Variants in PTGFRN observed in about 807,000 individuals in gnomAD.
The protein encoded by PTGFRN is prostaglandin F2 receptor inhibitor, also known as prostaglandin F2 receptor negative regulator.
PTGFRN carries 35 observed loss-of-function variants against 83.2 expected under a neutral mutation model. That is an observed-to-expected ratio of 0.42 (90% CI 0.32 to 0.56). The LOEUF (loss-of-function observed/expected upper bound fraction) is 0.56, where lower values mean the gene tolerates loss of function less well. Ranked by LOEUF, PTGFRN falls within the 20% of genes least tolerant of loss-of-function variation. The pLI is 0.11. For missense variants in PTGFRN, 1,051 were observed against 1,179.5 expected (o/e 0.89, Z 1.60); for synonymous variants, 519 against 498.6 (o/e 1.04, Z -0.55).
chr1:116,965,654 A>G (rs564822288), intron 5 of PTGFRN, among the ~76,000 whole-genome samples: 1 of 152,290 alleles, frequency 6.6e-6, no homozygotes, highest in African/African-American at 2.4e-5. Flanking sequence ...GTTGTGGCAC[A>G]CACACCTTCC....
At chr1:116,933,548 T>C (rs188329517) in intron 1 of PTGFRN, among the ~76,000 whole-genome samples, 4 of 152,354 alleles carry the variant, frequency 2.6e-5, no homozygotes, top group Admixed American at 2.6e-4. Flanking sequence ...CTTTGCCTTC[T>C]CACATTTCCA....
At chr1:116,964,514 TTGGACA>T (rs1433576247) in intron 5 of PTGFRN, among the ~76,000 whole-genome samples, 1 of 152,180 alleles carries the variant, frequency 6.6e-6, no homozygotes, top group African/African-American at 2.4e-5. Context: ...GACATAGTCT[TTGGACA>T]TAGTCCTTGG....
At chr1:116,919,353 C>T (rs983786935) in intron 1 of PTGFRN, among the ~76,000 whole-genome samples, 1 of 152,112 alleles carries the variant, frequency 6.6e-6, no homozygotes, top group African/African-American at 2.4e-5. Flanking sequence ...AAATTCCTGT[C>T]TACCTTTTTT....
In PTGFRN at chr1:116,952,636, C is replaced by CA. The variant is rs564076334; in HGVS notation, c.1213+3073dup. On this transcript the variant is annotated intron_variant, in intron 4 of 8. Transcript: ENST00000393203. This position sits in a 1 kb window ranked among gnomAD's most constrained non-coding sequence, Gnocchi z 4.0. ...CCTCTGAAGTTCTGAAGAGTTGAGA[C>CA]AAAAAAAAAGATGTGATTATACAGT... Among the ~76,000 whole-genome samples, 578 of 150,180 alleles carry CA rather than the reference C, an allele frequency of 3.8e-3. 5 individuals carry two copies. The Middle Eastern group carries it at 0.055, about 14-fold the overall frequency.
Position 116,949,585 on chromosome 1 carries a change from G to C in PTGFRN, c.1213+13G>C, listed in dbSNP as rs1650288333. 1.2e-6 allele frequency: 2 copies of C among 1,606,774 alleles called. No homozygotes were observed. The highest frequency in any genetic ancestry group is 1.7e-6 in the Non-Finnish European group (2 of 1,176,666). ...GTGACCTGGCTAGGTGAGTGGTTTG[G>C]AGAATGACTCTTAACCTCTTCAGCT... On this transcript the variant is annotated intron_variant, in intron 4 of 8. Transcript: ENST00000393203.
intron 8 of PTGFRN, 28 bp downstream of exon 8, chr1:116,985,013 G>A (rs769253375): frequency 1.3e-6 from 2 of 1,581,580 alleles, no homozygotes; most frequent in South Asian, 2.3e-5. Flanking sequence ...ATTTCTCAGT[G>A]TTTGGGAATG....
intron 1 of PTGFRN, among the ~76,000 whole-genome samples, chr1:116,916,406 C>CA (rs1649407616): frequency 6.6e-6 from 1 of 152,200 alleles, no homozygotes; most frequent in African/African-American, 2.4e-5. Context: ...AGTGGGCAGA[C>CA]AGATGAGTTA....
intron 5 of PTGFRN, among the ~76,000 whole-genome samples, chr1:116,964,000 G>T (rs117096842): frequency 0.072 from 10,907 of 151,758 alleles, 441 homozygotes; most frequent in Middle Eastern, 0.12. Context: ...GGCTGGTCTT[G>T]AACTCCTGAC....
At chr1:116,910,390 G>C in intron 1 of PTGFRN, 138 bp downstream of exon 1, 1 of 732,074 alleles carries the variant, frequency 1.4e-6, no homozygotes, top group Non-Finnish European at 1.8e-6. Flanking sequence ...CGGGGTGCGC[G>C]GGTTGTTCGG....
intron 7 of PTGFRN, among the ~76,000 whole-genome samples, chr1:116,978,786 G>A (rs2101088667): frequency 6.6e-6 from 1 of 152,178 alleles, no homozygotes; most frequent in Non-Finnish European, 1.5e-5. Context: ...GGCAAAAACT[G>A]GAAGCATTCC....
rs73002217 is a variant in PTGFRN at position 116,982,670 on chromosome 1, A to T, written c.2168-2010A>T. On this transcript the variant is annotated intron_variant, in intron 7 of 8. Transcript: ENST00000393203. ...GAGAAGAAGGCAAGTCGAGGTGTGA[A>T]TTCAGAGCAAGTCCACCTCCCCACG... Among the ~76,000 whole-genome samples the T allele has an allele frequency of 9.6e-3, 1,467 of 152,274 alleles. 26 individuals are homozygous for T. The highest frequency in any genetic ancestry group is 0.034 in the African/African-American group (1,403 of 41,556).
intron 5 of PTGFRN, among the ~76,000 whole-genome samples, chr1:116,963,065 C>T (rs1650713279): frequency 6.6e-6 from 1 of 152,210 alleles, no homozygotes. Context: ...TTGCATTAGA[C>T]TGTGGCCAAA....
chr1:116,927,756 C>T (rs1449673181), intron 1 of PTGFRN, among the ~76,000 whole-genome samples: 1 of 151,510 alleles, frequency 6.6e-6, no homozygotes, highest in African/African-American at 2.4e-5. Context: ...GCTGGTCTTG[C>T]ACTATTGGCT....
intron 6 of PTGFRN, among the ~76,000 whole-genome samples, chr1:116,972,287 A>G (rs1363590108): frequency 1.3e-5 from 2 of 152,162 alleles, no homozygotes; most frequent in African/African-American, 4.8e-5. Flanking sequence ...CATTCTGTCA[A>G]TTCTTTATCC....
In PTGFRN at chr1:116,967,253, C is replaced by A. The variant is rs1171177097; in HGVS notation, c.1982C>A (p.Ser661Tyr). The change falls in exon 6 of 9, where the codon TCT (serine) becomes TAT (tyrosine). Residue 661 changes from serine (S) to tyrosine (Y), a missense_variant. Coordinates refer to ENST00000393203, the MANE Select transcript of PTGFRN (RefSeq NM_020440.4). Reference protein sequence around the residue: ...GLYRCMVTAWSPVRGSLWREA... With the variant: ...GLYRCMVTAWYPVRGSLWREA... ...TACCGCTGCATGGTGACAGCCTGGTCTCCTGTCAGGGGCAGCCTTTGGCGA... is the reference window on the plus strand; with the variant it reads ...TACCGCTGCATGGTGACAGCCTGGTATCCTGTCAGGGGCAGCCTTTGGCGA... 1 of 1,614,204 alleles carries A rather than the reference C, an allele frequency of 6.2e-7. No homozygotes were observed. The highest frequency in any genetic ancestry group is 1.1e-5 in the South Asian group (1 of 91,084).
intron 7 of PTGFRN, among the ~76,000 whole-genome samples, chr1:116,979,144 C>T (rs1183347687): frequency 6.6e-6 from 1 of 152,078 alleles, no homozygotes; most frequent in Non-Finnish European, 1.5e-5. Context: ...AATAAAATAC[C>T]TAGGAATCCA....
chr1:116,935,731 C>G (rs1195731830), intron 1 of PTGFRN, among the ~76,000 whole-genome samples: 1 of 152,076 alleles, frequency 6.6e-6, no homozygotes, highest in African/African-American at 2.4e-5. Context: ...GTGGTAACTG[C>G]CCCGAGAGGT....
intron 4 of PTGFRN, among the ~76,000 whole-genome samples, chr1:116,951,924 A>G (rs1650364552): frequency 6.6e-6 from 1 of 152,212 alleles, no homozygotes. Context: ...AAGGTAACCG[A>G]GAAGTGACCA....
chr1:116,969,370 T>C (rs1650930280), intron 6 of PTGFRN, among the ~76,000 whole-genome samples: 1 of 152,204 alleles, frequency 6.6e-6, no homozygotes. Flanking sequence ...TATTTCTCCA[T>C]TGACTTGTTT....
Sources: gnomAD v4.1 joint callset for allele counts (sites outside exome capture counted in the v4.1 genomes callset) on GRCh38, gnomAD v4.1.1 for gene constraint, Gnocchi (gnomAD v3.1) non-coding constraint, MANE v1.5 for transcripts, NCBI Gene and HGNC (gene_info 2026-07-23, HGNC 2026-07-21) for gene names.